Variants in SCARA3 observed in about 807,000 individuals in gnomAD.
SCARA3 encodes the protein cellular stress response gene protein.
Under a neutral mutation model 47.0 loss-of-function variants are expected in SCARA3, and 39 were observed. The observed-to-expected ratio is 0.83, with a 90% CI of 0.64 to 1.08. The LOEUF is 1.08. SCARA3 is among the 50% of genes least tolerant of loss of function. SCARA3 has a pLI of 0.00. For missense variants in SCARA3, 724 were observed against 792.3 expected (o/e 0.91, Z 1.04); for synonymous variants, 356 against 334.1 (o/e 1.07, Z -0.71).
In SCARA3 at chr8:27,651,606, GTGGCTGTGT is replaced by G; in HGVS notation, c.210_218del (p.Val71_Ala73del). On this transcript the variant is annotated inframe_deletion, in exon 3 of 6. Coordinates refer to ENST00000301904, the MANE Select transcript of SCARA3 (RefSeq NM_016240.3). The stretch of plus-strand genomic sequence containing the variant: ...CTTCCTGGCCCTGCTCCTGGTGGCC[GTGGCTGTGT>G]TGGCCTCTCTGGGTGAGTCCGGGGC... 6.2e-7 allele frequency: 1 copy of G among 1,614,088 alleles called. No individual in the cohort carries two copies. Among genetic ancestry groups the G allele is most frequent in the Non-Finnish European group, 8.5e-7 (1 of 1,180,000 alleles).
chr8:27,642,176 T>A (rs1341137149), intron 1 of SCARA3, among the ~76,000 whole-genome samples: 1 of 152,210 alleles, frequency 6.6e-6, no homozygotes, highest in Non-Finnish European at 1.5e-5. Flanking sequence ...AAAGAATAAT[T>A]TGGGACTAGT....
the SCARA3 span, among the ~76,000 whole-genome samples, chr8:27,704,367 G>A: frequency 3.3e-5 from 5 of 152,122 alleles, no homozygotes; most frequent in African/African-American, 1.2e-4. Context: ...GATTGCTTGA[G>A]CCCAGGAAGT....
the SCARA3 span, among the ~76,000 whole-genome samples, chr8:27,728,735 A>C: frequency 9.2e-5 from 14 of 152,230 alleles, no homozygotes; most frequent in Non-Finnish European, 1.6e-4. Flanking sequence ...AAAACAGAAC[A>C]GTTCTTGGCT....
chr8:27,662,088 C>T (rs1348327405), intron 5 of SCARA3, among the ~76,000 whole-genome samples: 4 of 152,170 alleles, frequency 2.6e-5, no homozygotes, highest in African/African-American at 7.2e-5. Flanking sequence ...CTCCTGGTAG[C>T]AGCATTCCTC....
chr8:27,716,412 T>A, the SCARA3 span, among the ~76,000 whole-genome samples: 1 of 152,104 alleles, frequency 6.6e-6, no homozygotes, highest in East Asian at 1.9e-4. Context: ...AGCCTGGAAC[T>A]TTTTCTTTTA....
chr8:27,720,233 T>A, the SCARA3 span, among the ~76,000 whole-genome samples: 1 of 142,464 alleles, frequency 7.0e-6, no homozygotes. Context: ...TGAGCAAGTC[T>A]GAGTGGCGAG....
chr8:27,731,981 A>C, the SCARA3 span, among the ~76,000 whole-genome samples: 1 of 152,214 alleles, frequency 6.6e-6, no homozygotes, highest in Non-Finnish European at 1.5e-5. Flanking sequence ...AAAAGCTTCA[A>C]GTCTGACAGA....
chr8:27,699,965 G>T, the SCARA3 span, among the ~76,000 whole-genome samples: 1 of 152,058 alleles, frequency 6.6e-6, no homozygotes, highest in African/African-American at 2.4e-5. Flanking sequence ...TTCAACAAAT[G>T]ATTTTTATAT....
At chr8:27,726,044 G>A in the SCARA3 span, among the ~76,000 whole-genome samples, 2 of 152,192 alleles carry the variant, frequency 1.3e-5, no homozygotes, top group South Asian at 4.1e-4. Context: ...TCTGTTTAGG[G>A]AGTCGCAGAG....
downstream of SCARA3, among the ~76,000 whole-genome samples, chr8:27,679,156 C>T (rs953338899): frequency 1.3e-5 from 2 of 152,102 alleles, no homozygotes; most frequent in Non-Finnish European, 2.9e-5. Context: ...TTGTTCTCCT[C>T]CTCCTCTTTC....
Position 27,658,719 on chromosome 8 carries a change from G to A in SCARA3, c.549G>A (p.Gln183=), listed in dbSNP as rs748224011. The change falls in exon 5 of 6, where the codon CAG becomes CAA. Residue 183 remains glutamine, a synonymous_variant. Transcript: ENST00000301904. ...SCSFSIHQVN[Q]SLGLFLAQVR... is the part of the protein sequence containing the mutation. ...CCTTCTCCATCCACCAGGTTAACCAGTCTCTGGGGCTCTTCCTGGCCCAGG... is the reference window on the plus strand; with the variant it reads ...CCTTCTCCATCCACCAGGTTAACCAATCTCTGGGGCTCTTCCTGGCCCAGG... 1 of 1,614,152 alleles carries A rather than the reference G, an allele frequency of 6.2e-7. No homozygotes were observed. The highest frequency in any genetic ancestry group is 1.7e-5 in the Admixed American group (1 of 60,024).
rs1180443861 is a variant in SCARA3, at chr8:27,658,772, G to C, written c.602G>C (p.Gly201Ala). The change falls in exon 5 of 6, where the codon GGC (glycine) becomes GCC (alanine). Residue 201 changes from glycine to alanine, a missense_variant. Gly to Ala is a moderately conservative substitution (Grantham distance 60). Transcript: ENST00000301904. ...AGAGGCTGGCAGGCCACCACAGCTG[G>C]CCTGGACCTCTCTCTGAAGGACCTC... ...QVRGWQATTA[G>A]LDLSLKDLTQ... is the part of the protein sequence containing the mutation. 3 of 1,614,086 alleles carry C rather than the reference G, an allele frequency of 1.9e-6. No individual in the cohort carries two copies. Among genetic ancestry groups the C allele is most frequent in the Non-Finnish European group, 2.5e-6 (3 of 1,179,970 alleles).
intron 1 of SCARA3, among the ~76,000 whole-genome samples, chr8:27,648,832 G>A (rs1240198643): frequency 6.6e-6 from 1 of 150,592 alleles, no homozygotes; most frequent in African/African-American, 2.5e-5. Flanking sequence ...GAGAAAGGAG[G>A]GAGGGAGGGA....
At chr8:27,676,830 G>C (rs74521754), downstream of SCARA3, 1 of 381,704 alleles carries the variant, frequency 2.6e-6, no homozygotes, top group Admixed American at 4.1e-5. Flanking sequence ...GGACACCACT[G>C]CTCAAACCCA....
In SCARA3 at chr8:27,651,490, T is replaced by C. The variant is rs751161050; in HGVS notation, c.107-18T>C. 1.2e-6 allele frequency: 2 copies of C among 1,609,282 alleles called. No individual in the cohort carries two copies. The highest frequency in any genetic ancestry group is 2.2e-5 in the South Asian group (2 of 90,934). On this transcript the variant is annotated intron_variant, in intron 2 of 5. Coordinates refer to ENST00000301904, the MANE Select transcript of SCARA3 (RefSeq NM_016240.3). ...GGGCCCCTGGCCTAAGCCATTGTCCTCCTTGTGTCCCCCACAGGCCGGCCA... is the reference window on the plus strand; with the variant it reads ...GGGCCCCTGGCCTAAGCCATTGTCCCCCTTGTGTCCCCCACAGGCCGGCCA...
the SCARA3 span, among the ~76,000 whole-genome samples, chr8:27,721,606 G>T: frequency 6.6e-6 from 1 of 152,194 alleles, no homozygotes; most frequent in Non-Finnish European, 1.5e-5. Flanking sequence ...ATGGCCTCAA[G>T]TTAGATGGTG....
the SCARA3 span, among the ~76,000 whole-genome samples, chr8:27,717,766 CAG>C: frequency 6.6e-6 from 1 of 152,084 alleles, no homozygotes; most frequent in African/African-American, 2.4e-5. Flanking sequence ...GCCTGGGAGA[CAG>C]AGCGAGACTC....
intron 2 of SCARA3, 59 bp from the exon 3 acceptor site, chr8:27,651,449 C>A: frequency 1.9e-6 from 3 of 1,582,306 alleles, no homozygotes; most frequent in Admixed American, 1.7e-5. Context: ...TGGAACTGAC[C>A]CTTCAGCTCC....
the SCARA3 span, among the ~76,000 whole-genome samples, chr8:27,704,507 C>T: frequency 2.6e-5 from 4 of 152,108 alleles, no homozygotes; most frequent in East Asian, 3.8e-4. Context: ...AATATCTTCA[C>T]GGATTCCTGG....
Sources: allele counts gnomAD v4.1 joint callset (sites outside exome capture counted in the v4.1 genomes callset), GRCh38; gene constraint gnomAD v4.1.1; transcripts MANE v1.5; gene names NCBI Gene and HGNC (gene_info 2026-07-23, HGNC 2026-07-21).